MLIP: variants seen among roughly 807,000 people sequenced by gnomAD.
MLIP encodes muscular LMNA interacting protein, also known as muscular LMNA-interacting protein.
A neutral mutation model predicts 84.8 loss-of-function variants in MLIP; 79 were observed. The ratio of observed to expected loss-of-function variants is 0.93; its 90% CI spans 0.78 to 1.12. The LOEUF (loss-of-function observed/expected upper bound fraction) is 1.12, where lower values mean the gene tolerates loss of function less well. Ranked by LOEUF, MLIP falls within the 50% of genes most tolerant of loss-of-function variation. MLIP has a pLI of 0.00. For synonymous variants in MLIP, 504 were observed against 463.0 expected (o/e 1.09, Z -1.14); for missense variants, 1,257 against 1,160.6 (o/e 1.08, Z -1.21).
Position 54,137,604 on chromosome 6 carries a change from A to G in MLIP, c.1535A>G (p.Lys512Arg). ...CAGGCGCCCTCCCTCTCTCCTACAA[A>G]ACAGGCTAGTAGCAGCCTTGCTTCC... The part of the protein sequence containing the change: ...LSQAPSLSPT[K>R]QASSSLASMN... Residue 512 changes from lysine to arginine, a missense_variant, in exon 4 of 14, where the codon AAA (lysine) becomes AGA (arginine). Transcript: ENST00000502396. The G allele has an allele frequency of 6.5e-7, 1 of 1,536,012 alleles. No individual in the cohort carries two copies. The highest frequency in any genetic ancestry group is 8.7e-7 in the Non-Finnish European group (1 of 1,146,870).
Position 54,137,936 on chromosome 6 carries a change from A to G in MLIP, c.1867A>G (p.Arg623Gly), listed in dbSNP as rs546223356. 6.5e-7 allele frequency: 1 copy of G among 1,536,122 alleles called. No homozygotes were observed. Among genetic ancestry groups the G allele is most frequent in the Admixed American group, 2.0e-5 (1 of 50,996 alleles). ...CCCAGCTCTTTCAAGCCTGATAAAC[A>G]GATCTAAAAGAGCATCATCCCAACT... The part of the protein sequence containing the change: ...PSPALSSLIN[R>G]SKRASSQLSG... Residue 623 changes from arginine (R) to glycine (G), a missense_variant, in exon 4 of 14, where the codon AGA becomes GGA. Arg to Gly is a moderately radical substitution (Grantham distance 125). Coordinates refer to ENST00000502396, the MANE Select transcript of MLIP (RefSeq NM_001281747.2).
chr6:54,258,518 T>C (rs1783170545), intron 13 of MLIP, among the ~76,000 whole-genome samples: 1 of 152,062 alleles, frequency 6.6e-6, no homozygotes. Context: ...GTTTTATGAT[T>C]ATGAACATAT....
At chr6:54,227,470 T>C (rs1780654710) in intron 11 of MLIP, among the ~76,000 whole-genome samples, 2 of 152,128 alleles carry the variant, frequency 1.3e-5, no homozygotes, top group African/African-American at 4.8e-5. Context: ...TCCAAAATGT[T>C]ACATATAAAA....
At chr6:54,040,022 A>G (rs945125137) in intron 1 of MLIP, among the ~76,000 whole-genome samples, 1 of 152,036 alleles carries the variant, frequency 6.6e-6, no homozygotes. Context: ...TTAACAGGAC[A>G]TATTTTTGTG....
intron 1 of MLIP, among the ~76,000 whole-genome samples, chr6:54,105,514 C>T (rs1467438698): frequency 6.6e-6 from 1 of 152,162 alleles, no homozygotes; most frequent in Non-Finnish European, 1.5e-5. Flanking sequence ...CCACATACTA[C>T]TCTAGTTGCT....
chr6:54,181,974 T>A (rs553578704), intron 9 of MLIP, among the ~76,000 whole-genome samples: 1 of 152,112 alleles, frequency 6.6e-6, no homozygotes, highest in African/African-American at 2.4e-5. Context: ...CTGTCTGGAG[T>A]TGGGGAAGAA....
At chr6:54,019,217 T>C in intron 1 of MLIP, 4 of 888,754 alleles carry the variant, frequency 4.5e-6, no homozygotes, top group Non-Finnish European at 7.1e-6. Flanking sequence ...TCAATAACTT[T>C]AAAATTAATG....
At chr6:54,174,606 A>G (rs530448389) in intron 9 of MLIP, among the ~76,000 whole-genome samples, 22 of 151,660 alleles carry the variant, frequency 1.5e-4, no homozygotes, top group African/African-American at 5.3e-4. Context: ...ATAATACTTT[A>G]TGATAGAGCT....
At chr6:54,235,878 A>C (rs772801767) in intron 12 of MLIP, among the ~76,000 whole-genome samples, 3 of 152,098 alleles carry the variant, frequency 2.0e-5, no homozygotes, top group East Asian at 3.9e-4. Context: ...CCTTTCTGTT[A>C]TATAACCATG....
Position 54,137,565 on chromosome 6 carries a change from C to T in MLIP, c.1496C>T (p.Ser499Phe), listed in dbSNP as rs904524955. Residue 499 changes from serine to phenylalanine, a missense_variant, in exon 4 of 14, where the codon TCT becomes TTT. Transcript: ENST00000502396. ...QSFHLPVFTK[S>F]TPLSQAPSLS... is the part of the protein sequence containing the mutation. ...TTTCACCTGCCTGTTTTCACCAAGT[C>T]TACTCCGCTTTCTCAGGCGCCCTCC... is the stretch of plus-strand genomic sequence containing the variant. 3.2e-5 allele frequency: 49 copies of T among 1,536,128 alleles called. No individual in the cohort carries two copies. The East Asian group carries it at 9.8e-4, about 31-fold the overall frequency.
At chr6:54,151,312 A>G (rs899087739) in intron 5 of MLIP, among the ~76,000 whole-genome samples, 6 of 152,126 alleles carry the variant, frequency 3.9e-5, no homozygotes, top group Non-Finnish European at 4.4e-5. Flanking sequence ...TCCATTTTCA[A>G]TAGTATTTTT....
intron 1 of MLIP, among the ~76,000 whole-genome samples, chr6:54,076,527 T>A (rs1044407265): frequency 1.3e-5 from 2 of 152,084 alleles, no homozygotes; most frequent in Non-Finnish European, 2.9e-5. Flanking sequence ...GCAAGTGGGG[T>A]TTAATTAGTG....
chr6:54,035,810 G>T (rs1484282865), intron 1 of MLIP, among the ~76,000 whole-genome samples: 1 of 151,696 alleles, frequency 6.6e-6, no homozygotes, highest in East Asian at 1.9e-4. Context: ...TTTAATTGGG[G>T]TTTTTGTTTT....
chr6:54,131,033 G>C (rs1771331787), intron 3 of MLIP, among the ~76,000 whole-genome samples: 1 of 152,192 alleles, frequency 6.6e-6, no homozygotes, highest in Admixed American at 6.5e-5. Context: ...ATAAACCATT[G>C]TAGATGTTAG....
At position 54,177,893 on chromosome 6, in the gene MLIP, G is replaced by A. The variant is rs939786301; in HGVS notation, c.2544+8321G>A. The stretch of plus-strand genomic sequence containing the variant: ...AAAGGAAAAAGATCATGTCTTTTGC[G>A]GGAACATGGATGGAGCTGGAAGCCA... On this transcript the variant is annotated intron_variant, in intron 9 of 13. Transcript: ENST00000502396. Among the ~76,000 whole-genome samples the A allele has an allele frequency of 3.9e-5, 6 of 151,958 alleles. No homozygotes were observed. The East Asian group carries it at 7.7e-4, about 20-fold the overall frequency.
chr6:54,154,255 A>G (rs1773782002), intron 5 of MLIP, among the ~76,000 whole-genome samples: 1 of 152,152 alleles, frequency 6.6e-6, no homozygotes, highest in South Asian at 2.1e-4. Flanking sequence ...ATTTTTGCTC[A>G]TAAGCATAAA....
At chr6:54,174,682 T>TC (rs1399610321) in intron 9 of MLIP, among the ~76,000 whole-genome samples, 1 of 151,044 alleles carries the variant, frequency 6.6e-6, no homozygotes, top group African/African-American at 2.5e-5. Context: ...AAATATTTTT[T>TC]CCCATTCTGT....
chr6:54,113,760 C>T (rs1332916343), intron 1 of MLIP, among the ~76,000 whole-genome samples: 1 of 152,102 alleles, frequency 6.6e-6, no homozygotes, highest in Non-Finnish European at 1.5e-5. Flanking sequence ...ATTATGACCC[C>T]ATCCATTCTC....
At chr6:54,063,063 G>A (rs566177622) in intron 1 of MLIP, among the ~76,000 whole-genome samples, 9 of 152,120 alleles carry the variant, frequency 5.9e-5, no homozygotes, top group South Asian at 4.2e-4. Flanking sequence ...AAAATTATCC[G>A]GTCGTGGTGG....
Sources: gnomAD v4.1 joint callset for allele counts (sites outside exome capture counted in the v4.1 genomes callset) on GRCh38, gnomAD v4.1.1 for gene constraint, MANE v1.5 for transcripts, NCBI Gene and HGNC (gene_info 2026-07-23, HGNC 2026-07-21) for gene names.